Variants in PTPRE observed in about 807,000 individuals in gnomAD.
The protein encoded by PTPRE is protein tyrosine phosphatase receptor type E.
PTPRE carries 51 observed loss-of-function variants against 102.0 expected under a neutral mutation model. The ratio of observed to expected loss-of-function variants is 0.50; its 90% CI spans 0.40 to 0.63. The LOEUF (loss-of-function observed/expected upper bound fraction) is 0.63. Ranked by LOEUF, PTPRE falls within the 30% of genes least tolerant of loss-of-function variation. The probability of loss-of-function intolerance (pLI) is 0.00; values close to 1 mark genes in which losing one functional copy is unlikely to be tolerated. For synonymous variants in PTPRE, 345 were observed against 348.2 expected (o/e 0.99, Z 0.10); for missense variants, 752 against 915.1 (o/e 0.82, Z 2.30).
intron 2 of PTPRE, among the ~76,000 whole-genome samples, chr10:128,035,148 AATTTTTTGT>A (rs929973792): frequency 2.0e-5 from 3 of 151,984 alleles, no homozygotes; most frequent in African/African-American, 7.3e-5. Flanking sequence ...GCGCCCAGCT[AATTTTTTGT>A]ATTTTTTGTA....
chr10:127,984,705 C>A (rs1851935287), intron 2 of PTPRE, among the ~76,000 whole-genome samples: 1 of 152,160 alleles, frequency 6.6e-6, no homozygotes, highest in Non-Finnish European at 1.5e-5. Context: ...CTCACGAGAT[C>A]TGATGGTTTT....
At chr10:128,020,912 T>C (rs541564310) in intron 2 of PTPRE, among the ~76,000 whole-genome samples, 44 of 151,882 alleles carry the variant, frequency 2.9e-4, no homozygotes, top group African/African-American at 1.0e-3. Flanking sequence ...TTTTTTTTTT[T>C]CTTGAGATGG....
chr10:128,068,168 C>A lies in PTPRE; in HGVS notation c.889C>A (p.His297Asn). 2 of 1,614,114 alleles carry A rather than the reference C, an allele frequency of 1.2e-6. No individual in the cohort carries two copies. Among genetic ancestry groups the A allele is most frequent in the Non-Finnish European group, 1.7e-6 (2 of 1,179,984 alleles). ...AGCCCCCAGGCTGGTCTCACAGCTG[C>A]ACTTCACCAGCTGGCCCGACTTCGG... ...CKAPRLVSQL[H>N]FTSWPDFGVP... Residue 297 changes from histidine (H) to asparagine (N), a missense_variant, in exon 12 of 21, where the codon CAC (histidine) becomes AAC (asparagine). Transcript: ENST00000254667.
At chr10:128,078,833 G>A (rs1420492672) in intron 19 of PTPRE, among the ~76,000 whole-genome samples, 4 of 152,222 alleles carry the variant, frequency 2.6e-5, no homozygotes, top group Admixed American at 6.5e-5. Flanking sequence ...CATTGCGGCA[G>A]GACAGGAGCC....
chr10:128,077,798 C>T lies in PTPRE; in HGVS notation c.1892+15C>T, dbSNP rs763915941. The T allele has an allele frequency of 1.3e-5, 21 of 1,575,180 alleles. No homozygotes were observed. Among genetic ancestry groups the T allele is most frequent in the Non-Finnish European group, 1.7e-5 (19 of 1,150,736 alleles). ...GTGCACTGCAGGTGAGCCCCCAGCC[C>T]GAAGCCCTCCAGGTGGGGTGGACAC... On this transcript the variant is annotated intron_variant, in intron 19 of 20. Coordinates refer to ENST00000254667, the MANE Select transcript of PTPRE (RefSeq NM_006504.6).
chr10:128,013,980 G>A (rs1160124568), intron 2 of PTPRE, among the ~76,000 whole-genome samples: 1 of 152,174 alleles, frequency 6.6e-6, no homozygotes, highest in Non-Finnish European at 1.5e-5. Flanking sequence ...AGGCTACCAC[G>A]GAATTAGACA....
Position 128,076,587 on chromosome 10 carries a change from T to C in PTPRE, c.1600-16T>C, listed in dbSNP as rs780994566. On this transcript the variant is annotated splice_polypyrimidine_tract_variant and intron_variant, in intron 17 of 20. Transcript: ENST00000254667. ...TTATTTATTACAAGACTTAAATTTTTATTTTATCCCCTAAGGATAAATGCT... is the reference window on the plus strand; with the variant it reads ...TTATTTATTACAAGACTTAAATTTTCATTTTATCCCCTAAGGATAAATGCT... 1.0e-5 allele frequency: 16 copies of C among 1,558,876 alleles called. 1 individual carries two copies. The highest frequency in any genetic ancestry group is 9.8e-5 in the African/African-American group (7 of 71,484).
chr10:128,041,126 G>A (rs1847656645), intron 3 of PTPRE, 136 bp downstream of exon 3: 5 of 761,778 alleles, frequency 6.6e-6, no homozygotes, highest in Admixed American at 2.5e-5. Context: ...TTAATAGTTT[G>A]TGCCTCTAAA....
At chr10:128,048,107 C>T (rs1590133191) in intron 5 of PTPRE, among the ~76,000 whole-genome samples, 1 of 152,152 alleles carries the variant, frequency 6.6e-6, no homozygotes, top group African/African-American at 2.4e-5. Context: ...GTCGTTTTCA[C>T]AGGGTGTTGA....
At chr10:128,031,643 G>A (rs946329733) in intron 2 of PTPRE, among the ~76,000 whole-genome samples, 4 of 152,216 alleles carry the variant, frequency 2.6e-5, no homozygotes, top group Non-Finnish European at 4.4e-5. Flanking sequence ...AAGTACCTGT[G>A]AGTGTGACTC....
At chr10:127,996,225 CTT>C (rs1847260714) in intron 2 of PTPRE, among the ~76,000 whole-genome samples, 1 of 152,234 alleles carries the variant, frequency 6.6e-6, no homozygotes, top group South Asian at 2.1e-4. Flanking sequence ...CAACACGTAA[CTT>C]TACCTATGTT....
Position 128,070,976 on chromosome 10 carries a change from A to T in PTPRE, c.1387+75A>T. 1 of 1,435,270 alleles carries T rather than the reference A, an allele frequency of 7.0e-7. No individual in the cohort carries two copies. The highest frequency in any genetic ancestry group is 1.2e-5 in the South Asian group (1 of 85,316). 88.9% of individuals were successfully genotyped at this position (1,435,270 alleles called of 1,614,324 possible). On this transcript the variant is annotated intron_variant, in intron 15 of 20. Transcript: ENST00000254667. The surrounding 1 kb of genome is among the most constrained non-coding windows in gnomAD (Gnocchi z 4.8). ...CGGAGGCTTTCATCCTGGAGAAGCC[A>T]TTGACCGCTTACCCCTGTGCACCAG...
intron 2 of PTPRE, among the ~76,000 whole-genome samples, chr10:128,040,670 G>C (rs1847609540): frequency 6.6e-6 from 1 of 152,172 alleles, no homozygotes; most frequent in Non-Finnish European, 1.5e-5. Flanking sequence ...TCCCTCCTTT[G>C]AGTGAATGTC....
At chr10:128,020,656 C>G (rs1235905491) in intron 2 of PTPRE, among the ~76,000 whole-genome samples, 1 of 152,200 alleles carries the variant, frequency 6.6e-6, no homozygotes, top group Non-Finnish European at 1.5e-5. Context: ...CTGGGAAATG[C>G]TGGTCCTTAC....
At chr10:128,072,086 T>C (rs2136035369) in intron 15 of PTPRE, 52 bp from the exon 16 acceptor site, 1 of 1,517,538 alleles carries the variant, frequency 6.6e-7, no homozygotes, top group East Asian at 2.3e-5. Context: ...GGATTAAAGT[T>C]AGCAAGGTGG....
At chr10:128,026,942 T>C (rs1006391197) in intron 2 of PTPRE, among the ~76,000 whole-genome samples, 1 of 152,232 alleles carries the variant, frequency 6.6e-6, no homozygotes, top group Non-Finnish European at 1.5e-5. Flanking sequence ...TCAGAAAACA[T>C]ACTTTGAGCT....
In PTPRE at chr10:127,907,247, C is replaced by T; in HGVS notation, c.-93C>T. 7 of 984,580 alleles carry T rather than the reference C, an allele frequency of 7.1e-6. No individual in the cohort carries two copies. The highest frequency in any genetic ancestry group is 8.4e-6 in the Non-Finnish European group (7 of 829,598). The allele number at this position is 984,580 out of a possible 1,614,324, so 61.0% of individuals were successfully genotyped here. ...GGCGCCCCGGAGGGCGGCGGGCAGGCGCCCGGGAGATGCGGAGCCTCCGCT... is the reference window on the plus strand; with the variant it reads ...GGCGCCCCGGAGGGCGGCGGGCAGGTGCCCGGGAGATGCGGAGCCTCCGCT... On this transcript the variant is annotated 5_prime_UTR_variant, in exon 1 of 21. Transcript: ENST00000254667. The surrounding 1 kb of genome is among the most constrained non-coding windows in gnomAD (Gnocchi z 4.8).
At chr10:127,955,929 C>T (rs1490292533) in intron 1 of PTPRE, among the ~76,000 whole-genome samples, 1 of 152,104 alleles carries the variant, frequency 6.6e-6, no homozygotes, top group African/African-American at 2.4e-5. Flanking sequence ...TGAGAACTCA[C>T]TCACTATCAT....
chr10:128,023,682 T>A (rs1846093268), intron 2 of PTPRE, among the ~76,000 whole-genome samples: 1 of 152,210 alleles, frequency 6.6e-6, no homozygotes, highest in South Asian at 2.1e-4. Flanking sequence ...CTGCTCTACA[T>A]AAATCGATGG....
Sources: allele counts gnomAD v4.1 joint callset (sites outside exome capture counted in the v4.1 genomes callset), GRCh38; gene constraint gnomAD v4.1.1; non-coding constraint Gnocchi (gnomAD v3.1); transcripts MANE v1.5; gene names NCBI Gene and HGNC (gene_info 2026-07-23, HGNC 2026-07-21).